Variants in DOCK3 observed in about 807,000 individuals in gnomAD.
DOCK3 encodes dedicator of cytokinesis protein 3.
DOCK3 carries 60 observed loss-of-function variants against 265.6 expected under a neutral mutation model. The observed-to-expected ratio is 0.23, with a 90% CI of 0.18 to 0.28. The LOEUF (loss-of-function observed/expected upper bound fraction) is 0.28. DOCK3 is among the 10% of genes least tolerant of loss of function. The pLI is 1.00. For missense variants in DOCK3, 1,981 were observed against 2,594.3 expected (o/e 0.76, Z 5.14); for synonymous variants, 881 against 938.0 (o/e 0.94, Z 1.11).
At chr3:51,123,419 G>T (rs1332707473) in intron 9 of DOCK3, among the ~76,000 whole-genome samples, 1 of 152,164 alleles carries the variant, frequency 6.6e-6, no homozygotes, top group Non-Finnish European at 1.5e-5. Context: ...ACATGTTGGG[G>T]TTCTCCAAGA....
chr3:51,264,410 A>G (rs2108801089), intron 23 of DOCK3, among the ~76,000 whole-genome samples: 1 of 152,366 alleles, frequency 6.6e-6, no homozygotes, highest in South Asian at 2.1e-4. Flanking sequence ...CAGTGTTTAG[A>G]GAGAAATTTA....
intron 6 of DOCK3, among the ~76,000 whole-genome samples, chr3:51,072,495 G>A (rs192944215): frequency 2.2e-4 from 34 of 151,784 alleles, no homozygotes; most frequent in East Asian, 2.1e-3. Context: ...TGCAACCACC[G>A]CCTCCTGGTT....
At position 51,350,371 on chromosome 3, in the gene DOCK3, G is replaced by A. The variant is rs778935319; in HGVS notation, c.4086G>A (p.Arg1362=). 1.6e-4 allele frequency: 252 copies of A among 1,612,340 alleles called. 2 individuals carry two copies. The highest frequency in any genetic ancestry group is 2.1e-4 in the Non-Finnish European group (242 of 1,179,544). Residue 1362 remains arginine, a synonymous_variant, in exon 40 of 53, where the codon AGG becomes AGA. Coordinates refer to ENST00000266037, the MANE Select transcript of DOCK3 (RefSeq NM_004947.5). ...PEFFRVGFYG[R]KFPFFLRNKE... Reference sequence around the variant, plus strand: ...TCTTTCGGGTCGGCTTCTATGGCAGGAAGTTTCCTTTCTTTCTTCGGGTGA... The same window carrying A: ...TCTTTCGGGTCGGCTTCTATGGCAGAAAGTTTCCTTTCTTTCTTCGGGTGA...
At chr3:50,885,320 G>A (rs1202930421) in intron 3 of DOCK3, among the ~76,000 whole-genome samples, 1 of 149,018 alleles carries the variant, frequency 6.7e-6, no homozygotes, top group Non-Finnish European at 1.5e-5. Flanking sequence ...TTTCTTCCAA[G>A]TCTTGGCATT....
intron 1 of DOCK3, among the ~76,000 whole-genome samples, chr3:50,751,706 A>AT (rs1181609076): frequency 6.6e-6 from 1 of 152,198 alleles, no homozygotes; most frequent in Non-Finnish European, 1.5e-5. Context: ...ACATACTGCT[A>AT]TAAAGATACT....
intron 5 of DOCK3, among the ~76,000 whole-genome samples, chr3:51,010,292 C>A (rs1447728367): frequency 6.6e-6 from 1 of 152,192 alleles, no homozygotes; most frequent in African/African-American, 2.4e-5. Flanking sequence ...CTTTATGAAT[C>A]TGGGTGCTCC....
chr3:51,029,231 A>G (rs1018838322), intron 5 of DOCK3, among the ~76,000 whole-genome samples: 3 of 152,078 alleles, frequency 2.0e-5, no homozygotes, highest in Admixed American at 1.3e-4. Flanking sequence ...CTGAGATGCT[A>G]CTTGCAACGA....
At chr3:51,063,890 C>T (rs2081503655) in intron 5 of DOCK3, among the ~76,000 whole-genome samples, 2 of 152,220 alleles carry the variant, frequency 1.3e-5, no homozygotes, top group South Asian at 2.1e-4. Flanking sequence ...CAGAGGGAGT[C>T]GGGGAAGGAC....
chr3:50,921,664 T>G (rs974934475), intron 4 of DOCK3, among the ~76,000 whole-genome samples: 1 of 152,160 alleles, frequency 6.6e-6, no homozygotes, highest in Admixed American at 6.5e-5. Flanking sequence ...TTTTCTGCTC[T>G]GGTTTCTTCC....
In DOCK3 at chr3:51,021,757, A is replaced by G. The variant is rs571758990; in HGVS notation, c.316-42691A>G. On this transcript the variant is annotated intron_variant, in intron 5 of 52. Transcript: ENST00000266037. ...GCTCACTGCAACTTCCGCCTCCTGC[A>G]TTCAAGCGATTCTCCTGCCTCAGCC... Among the ~76,000 whole-genome samples, 9 of 149,484 alleles carry G rather than the reference A, an allele frequency of 6.0e-5. No homozygotes were observed. In the South Asian group the frequency reaches 1.5e-3, roughly 25 times the overall value.
rs570278348 is a variant in DOCK3 at position 51,009,478 on chromosome 3, T to A, written c.316-54970T>A. ...CGATGGTGATAACCCCTTTATCGTT[T>A]TTTATTGCATCTATTTGATTCTTCT... On this transcript the variant is annotated intron_variant, in intron 5 of 52. Coordinates refer to ENST00000266037, the MANE Select transcript of DOCK3 (RefSeq NM_004947.5). Among the ~76,000 whole-genome samples the A allele has an allele frequency of 2.2e-3, 330 of 152,322 alleles. 1 individual carries two copies. The highest frequency in any genetic ancestry group is 5.6e-3 in the Admixed American group (86 of 15,296).
intron 4 of DOCK3, among the ~76,000 whole-genome samples, chr3:50,914,670 A>G (rs992106274): frequency 3.9e-5 from 6 of 152,130 alleles, no homozygotes; most frequent in African/African-American, 1.4e-4. Flanking sequence ...TTCTTCAGCT[A>G]TTGGATGAAA....
At chr3:51,249,104 G>C (rs1243301348) in intron 22 of DOCK3, among the ~76,000 whole-genome samples, 1 of 150,910 alleles carries the variant, frequency 6.6e-6, no homozygotes, top group African/African-American at 2.4e-5. Flanking sequence ...GGGAGGTGGG[G>C]GGGGTCAGCC....
chr3:51,250,291 AAAAAATAAT>A (rs796559819), intron 22 of DOCK3, among the ~76,000 whole-genome samples: 14 of 50,246 alleles, frequency 2.8e-4, no homozygotes, highest in African/African-American at 8.1e-4. Context: ...AAAAAATTAA[AAAAAATAAT>A]AAAAAATAAA....
chr3:50,777,102 A>G (rs574172232), intron 1 of DOCK3, among the ~76,000 whole-genome samples: 8 of 152,270 alleles, frequency 5.3e-5, no homozygotes, highest in African/African-American at 1.7e-4. Context: ...CCCATGATTC[A>G]GTTATCTCCC....
chr3:50,921,668 TTCTTCCCA>T (rs1212748532), intron 4 of DOCK3, among the ~76,000 whole-genome samples: 2 of 152,180 alleles, frequency 1.3e-5, no homozygotes, highest in East Asian at 3.9e-4. Flanking sequence ...CTGCTCTGGT[TTCTTCCCA>T]TCTTGGTGGT....
chr3:51,221,992 T>A (rs1184650445), intron 14 of DOCK3, among the ~76,000 whole-genome samples: 1 of 152,178 alleles, frequency 6.6e-6, no homozygotes, highest in African/African-American at 2.4e-5. Flanking sequence ...TGTTAAATAA[T>A]GAAGAACATC....
At chr3:51,137,553 G>A (rs1391997606) in intron 9 of DOCK3, among the ~76,000 whole-genome samples, 1 of 152,178 alleles carries the variant, frequency 6.6e-6, no homozygotes, top group African/African-American at 2.4e-5. Context: ...AGGGATGCAT[G>A]AATTGCCATC....
intron 27 of DOCK3, among the ~76,000 whole-genome samples, chr3:51,282,179 G>T (rs1469144044): frequency 2.6e-5 from 4 of 152,178 alleles, no homozygotes; most frequent in Non-Finnish European, 5.9e-5. Flanking sequence ...GTAACTTGTG[G>T]AATGCTGAGA....
Sources: allele counts gnomAD v4.1 joint callset (sites outside exome capture counted in the v4.1 genomes callset), GRCh38; gene constraint gnomAD v4.1.1; transcripts MANE v1.5; gene names NCBI Gene and HGNC (gene_info 2026-07-23, HGNC 2026-07-21).